Variants in CCDC180 observed in about 807,000 individuals in gnomAD.
CCDC180 encodes the protein coiled-coil domain containing 180.
Under a neutral mutation model 209.2 loss-of-function variants are expected in CCDC180, and 154 were observed. The observed-to-expected ratio is 0.74, with a 90% confidence interval of 0.65 to 0.84. The LOEUF is 0.84. CCDC180 is among the 40% of genes least tolerant of loss of function. The pLI is 0.00. For synonymous variants in CCDC180, 778 were observed against 749.1 expected, an observed-to-expected ratio of 1.04 and a Z score of -0.63; for missense variants, 1,874 against 1,997.3, an observed-to-expected ratio of 0.94 and a Z score of 1.18.
chr9:97,360,200 C>A (rs2117862578), intron 26 of CCDC180, 99 bp downstream of exon 26: 1 of 1,391,440 alleles, frequency 7.2e-7, no homozygotes, highest in Non-Finnish European at 9.9e-7. Context: ...GAAGAGGGGA[C>A]TCCCAGGCCT....
At chr9:97,317,724 C>T (rs1044828373) in intron 9 of CCDC180, among the ~76,000 whole-genome samples, 1 of 152,150 alleles carries the variant, frequency 6.6e-6, no homozygotes, top group African/African-American at 2.4e-5. Context: ...GCTTCTTCTG[C>T]CAAGTGTCAC....
At chr9:97,343,259 C>G (rs1324021854) in intron 18 of CCDC180, 81 bp from the exon 19 acceptor site, 4 of 948,926 alleles carry the variant, frequency 4.2e-6, no homozygotes, top group Non-Finnish European at 6.4e-6. Context: ...TTTACAACCT[C>G]TGATATCAAG....
chr9:97,321,250 A>T (rs1833348403), intron 11 of CCDC180, among the ~76,000 whole-genome samples: 1 of 152,228 alleles, frequency 6.6e-6, no homozygotes, highest in South Asian at 2.1e-4. Flanking sequence ...ATTTATTGGG[A>T]CATAACCCCA....
intron 9 of CCDC180, 38 bp downstream of exon 9, chr9:97,317,266 A>G: frequency 6.7e-7 from 1 of 1,483,894 alleles, no homozygotes; most frequent in Non-Finnish European, 9.0e-7. Flanking sequence ...CCAGCCCACC[A>G]GGGGGGCTGG....
At chr9:97,361,285 G>A (rs910737274) in intron 26 of CCDC180, among the ~76,000 whole-genome samples, 6 of 152,178 alleles carry the variant, frequency 3.9e-5, no homozygotes, top group African/African-American at 1.2e-4. Context: ...AACATTGACC[G>A]GGCACATCTG....
chr9:97,351,161 G>A (rs1383652849), intron 22 of CCDC180, among the ~76,000 whole-genome samples: 1 of 152,138 alleles, frequency 6.6e-6, no homozygotes, highest in African/African-American at 2.4e-5. Context: ...TAGTTATTTT[G>A]GGTATTTCCT....
At chr9:97,341,303 T>C (rs1046853412) in intron 18 of CCDC180, among the ~76,000 whole-genome samples, 1 of 152,222 alleles carries the variant, frequency 6.6e-6, no homozygotes, top group African/African-American at 2.4e-5. Flanking sequence ...CTTTGTCTTG[T>C]GTCTTTATTT....
intron 25 of CCDC180, among the ~76,000 whole-genome samples, chr9:97,359,225 AAG>A (rs1247693951): frequency 2.0e-5 from 3 of 152,126 alleles, no homozygotes; most frequent in Non-Finnish European, 4.4e-5. Context: ...CAGGCTCTTT[AAG>A]GCAGCTCTAC....
intron 16 of CCDC180, 132 bp from the exon 17 acceptor site, chr9:97,330,022 C>G (rs960592610): frequency 2.7e-6 from 2 of 733,184 alleles, no homozygotes; most frequent in Non-Finnish European, 4.5e-6. Context: ...GAACCAAGAC[C>G]GCGCCACTGC....
At chr9:97,312,307 TC>T in intron 4 of CCDC180, 106 bp downstream of exon 4, 1 of 909,722 alleles carries the variant, frequency 1.1e-6, no homozygotes, top group Non-Finnish European at 1.7e-6. Context: ...GGCCCTGAGC[TC>T]CCACTGTGTT....
At chr9:97,374,476 C>T in intron 34 of CCDC180, 67 bp from the exon 35 acceptor site, 7 of 1,254,428 alleles carry the variant, frequency 5.6e-6, no homozygotes, top group Non-Finnish European at 6.9e-6. Context: ...AGTGTAATGC[C>T]AGGGGAAATC....
chr9:97,330,555 G>A lies in CCDC180; in HGVS notation c.2062G>A (p.Gly688Ser). ...LHAKMDESKE[G>S]SIQGLEEMQV... ...TGCTAAGATGGATGAGTCCAAAGAAGGCTCTATTCAGGGACTGGAAGAAAT... is the reference window on the plus strand; with the variant it reads ...TGCTAAGATGGATGAGTCCAAAGAAAGCTCTATTCAGGGACTGGAAGAAAT... The change falls in exon 18 of 37, where the codon GGC becomes AGC. Residue 688 changes from glycine (G) to serine (S), a missense_variant. Gly to Ser is a moderately conservative substitution (Grantham distance 56, BLOSUM62 0). Transcript: ENST00000529487. The A allele has an allele frequency of 6.2e-7, 1 of 1,614,134 alleles. No homozygotes were observed. The highest frequency in any genetic ancestry group is 1.3e-5 in the African/African-American group (1 of 75,020).
chr9:97,340,056 C>G lies in CCDC180; in HGVS notation c.2275-3284C>G, dbSNP rs187867331. On this transcript the variant is annotated intron_variant, in intron 18 of 36. Coordinates refer to ENST00000529487, the MANE Select transcript of CCDC180 (RefSeq NM_020893.6). ...ACACTGTTTATTCTAGTTAGCCATT[C>G]GTCTAATCTTTTTTCAAAGTTTTTA... 2.6e-5 allele frequency among the ~76,000 whole-genome samples: 4 copies of G among 152,154 alleles called. No homozygotes were observed. The South Asian group carries it at 8.3e-4, about 32-fold the overall frequency.
intron 26 of CCDC180, among the ~76,000 whole-genome samples, chr9:97,360,835 C>A (rs1826732058): frequency 6.6e-6 from 1 of 152,206 alleles, no homozygotes; most frequent in South Asian, 2.1e-4. Flanking sequence ...TCACCCCCAC[C>A]CCTGCCCACA....
chr9:97,337,816 C>T (rs2118738668), intron 18 of CCDC180, among the ~76,000 whole-genome samples: 1 of 152,222 alleles, frequency 6.6e-6, no homozygotes, highest in Admixed American at 6.5e-5. Flanking sequence ...GGTTGGTAGG[C>T]TATTAATTAT....
chr9:97,333,768 T>G (rs1217643737), intron 18 of CCDC180, among the ~76,000 whole-genome samples: 1 of 151,950 alleles, frequency 6.6e-6, no homozygotes, highest in Non-Finnish European at 1.5e-5. Context: ...TATTTTTTGC[T>G]AACAGTGATC....
At chr9:97,310,912 G>A (rs1832963278) in intron 3 of CCDC180, among the ~76,000 whole-genome samples, 1 of 152,196 alleles carries the variant, frequency 6.6e-6, no homozygotes, top group East Asian at 1.9e-4. Flanking sequence ...CAGGCAGCCT[G>A]ATGTCCCAGG....
chr9:97,326,436 C>T, intron 14 of CCDC180, 118 bp from the exon 15 acceptor site: 1 of 684,626 alleles, frequency 1.5e-6, no homozygotes, highest in South Asian at 1.7e-5. Flanking sequence ...AAAGGAAGTC[C>T]TGGGTCTGCT....
chr9:97,370,494 C>A, intron 32 of CCDC180, 147 bp from the exon 33 acceptor site: 1 of 889,892 alleles, frequency 1.1e-6, no homozygotes, highest in Non-Finnish European at 1.8e-6. Flanking sequence ...CTCTTAACCC[C>A]TCTGCCACTC....
Sources: gnomAD v4.1 joint callset for allele counts (sites outside exome capture counted in the v4.1 genomes callset) on GRCh38, gnomAD v4.1.1 for gene constraint, MANE v1.5 for transcripts, NCBI Gene and HGNC (gene_info 2026-07-23, HGNC 2026-07-21) for gene names.